Variants in UBE2H observed in about 807,000 individuals in gnomAD.
The protein encoded by UBE2H is ubiquitin conjugating enzyme E2 H.
A neutral mutation model predicts 29.0 loss-of-function variants in UBE2H; 3 were observed. The ratio of observed to expected loss-of-function variants is 0.10; its 90% CI spans 0.05 to 0.27. UBE2H has a LOEUF of 0.27. Ranked by LOEUF, UBE2H falls within the 10% of genes least tolerant of loss-of-function variation. The probability of loss-of-function intolerance (pLI) is 1.00; values close to 1 mark genes in which losing one functional copy is unlikely to be tolerated. For synonymous variants in UBE2H, 69 were observed against 82.9 expected (o/e 0.83, Z 0.91); for missense variants, 68 against 228.2 (o/e 0.30, Z 4.52).
chr7:129,852,043 C>T (rs1426107591), intron 5 of UBE2H, among the ~76,000 whole-genome samples: 3 of 152,138 alleles, frequency 2.0e-5, no homozygotes, highest in Admixed American at 6.5e-5. Context: ...GGCAGGATGA[C>T]GTTTGTGATT....
At chr7:129,854,071 T>TTTTTTTATTTTTTTTTTA (rs1563022999) in intron 5 of UBE2H, among the ~76,000 whole-genome samples, 2 of 149,912 alleles carry the variant, frequency 1.3e-5, no homozygotes, top group Non-Finnish European at 3.0e-5. Context: ...TTTTTTTTTT[T>TTTTTTTATTTTTTTTTTA]TTTTTTTTTT....
chr7:129,900,860 C>T (rs1806698777), intron 1 of UBE2H, among the ~76,000 whole-genome samples: 1 of 151,560 alleles, frequency 6.6e-6, no homozygotes, highest in Non-Finnish European at 1.5e-5. Context: ...ACACCATTCT[C>T]CTGCCTCAGC....
At chr7:129,859,671 A>C (rs1805765070) in intron 3 of UBE2H, among the ~76,000 whole-genome samples, 1 of 152,234 alleles carries the variant, frequency 6.6e-6, no homozygotes, top group African/African-American at 2.4e-5. Flanking sequence ...AGAAATTAAT[A>C]AAACCAGTTA....
Position 129,904,679 on chromosome 7 carries a change from C to T in UBE2H, c.54-23708G>A, listed in dbSNP as rs567236772. On this transcript the variant is annotated intron_variant, in intron 1 of 6. Transcript: ENST00000355621. ...CCTCGGCTACGTGTCAGTGGATGCT[C>T]AACAGAAACTGGTTAAATGAATAGT... 5.3e-5 allele frequency among the ~76,000 whole-genome samples: 8 copies of T among 152,310 alleles called. No homozygotes were observed. The South Asian group carries it at 1.7e-3, about 32-fold the overall frequency.
rs983395535 is a variant in UBE2H, at chr7:129,831,572, C to A, written c.*3365G>T. On this transcript the variant is annotated 3_prime_UTR_variant, in exon 7 of 7. Transcript: ENST00000355621. ...TCAGGAGCTTAGATCAGCCAGCTGGCAGTCAGAACAGCTTTTGAAGTGGAT... is the reference window on the plus strand; with the variant it reads ...TCAGGAGCTTAGATCAGCCAGCTGGAAGTCAGAACAGCTTTTGAAGTGGAT... 1.3e-5 allele frequency: 2 copies of A among 152,204 alleles called. No homozygotes were observed. Among genetic ancestry groups the A allele is most frequent in the Non-Finnish European group, 2.9e-5 (2 of 68,038 alleles). 9.4% of individuals were successfully genotyped at this position (152,204 alleles called of 1,614,324 possible).
At chr7:129,879,979 G>A (rs1008025363) in intron 2 of UBE2H, among the ~76,000 whole-genome samples, 4 of 151,618 alleles carry the variant, frequency 2.6e-5, no homozygotes, top group African/African-American at 9.7e-5. Flanking sequence ...AGGCCAAAAA[G>A]AAAACAACAA....
intron 1 of UBE2H, among the ~76,000 whole-genome samples, chr7:129,898,680 C>T (rs74894596): frequency 0.062 from 9,428 of 152,208 alleles, 363 homozygotes; most frequent in Non-Finnish European, 0.092. Flanking sequence ...AACTGATAGG[C>T]TCAGGTGCCA....
intron 1 of UBE2H, among the ~76,000 whole-genome samples, chr7:129,901,980 T>C (rs1042687039): frequency 1.3e-5 from 2 of 152,022 alleles, no homozygotes; most frequent in Non-Finnish European, 2.9e-5. Context: ...AGAAGAACAA[T>C]GTGGAGTATT....
intron 3 of UBE2H, among the ~76,000 whole-genome samples, chr7:129,873,254 C>T (rs542652827): frequency 2.6e-5 from 4 of 151,746 alleles, no homozygotes; most frequent in African/African-American, 4.8e-5. Flanking sequence ...CTCCTGACCT[C>T]GTGATCCACC....
At chr7:129,914,728 A>G (rs1202181087) in intron 1 of UBE2H, among the ~76,000 whole-genome samples, 1 of 152,192 alleles carries the variant, frequency 6.6e-6, no homozygotes. Context: ...TCTGCCAGAC[A>G]GTCCAGGGAA....
chr7:129,947,657 A>G (rs1333723046), intron 1 of UBE2H, among the ~76,000 whole-genome samples: 2 of 152,188 alleles, frequency 1.3e-5, no homozygotes, highest in East Asian at 1.9e-4. Flanking sequence ...TAACCTTTCT[A>G]TTCCTTGAAA....
chr7:129,929,427 C>T (rs988883898), intron 1 of UBE2H, among the ~76,000 whole-genome samples: 1 of 151,914 alleles, frequency 6.6e-6, no homozygotes. Flanking sequence ...AAAAGAGACA[C>T]TAGCACATTT....
intron 6 of UBE2H, among the ~76,000 whole-genome samples, chr7:129,835,364 T>C (rs1230224888): frequency 1.3e-5 from 2 of 152,174 alleles, no homozygotes; most frequent in Non-Finnish European, 1.5e-5. Flanking sequence ...ACCAGGGAAA[T>C]GGGAGCCCCA....
intron 1 of UBE2H, among the ~76,000 whole-genome samples, chr7:129,894,569 C>A (rs1409861554): frequency 6.7e-6 from 1 of 148,936 alleles, no homozygotes; most frequent in East Asian, 2.0e-4. Flanking sequence ...CCCACTGCAA[C>A]CTCCACCTCC....
chr7:129,836,273 C>T (rs1805323521), intron 6 of UBE2H, among the ~76,000 whole-genome samples: 1 of 151,986 alleles, frequency 6.6e-6, no homozygotes, highest in Non-Finnish European at 1.5e-5. Context: ...CTTTTTTTGA[C>T]ACTAGAATTT....
At chr7:129,903,060 C>A (rs117621307) in intron 1 of UBE2H, among the ~76,000 whole-genome samples, 5,810 of 152,274 alleles carry the variant, frequency 0.038, 154 homozygotes, top group South Asian at 0.13. Flanking sequence ...TCCCATTAAC[C>A]TCAATAATGC....
At chr7:129,918,327 T>C (rs1807085066) in intron 1 of UBE2H, among the ~76,000 whole-genome samples, 1 of 151,952 alleles carries the variant, frequency 6.6e-6, no homozygotes, top group African/African-American at 2.4e-5. Flanking sequence ...ACTGAAAGTA[T>C]CCTCATGAAA....
chr7:129,937,952 AAC>A (rs1402834370), intron 1 of UBE2H, among the ~76,000 whole-genome samples: 2 of 152,188 alleles, frequency 1.3e-5, no homozygotes, highest in African/African-American at 2.4e-5. Context: ...TGTGTTATCA[AAC>A]ACATATTGTG....
chr7:129,901,536 C>T (rs532551738), intron 1 of UBE2H, among the ~76,000 whole-genome samples: 153 of 152,246 alleles, frequency 1.0e-3, no homozygotes, highest in African/African-American at 3.6e-3. Context: ...TTTTGAAGAA[C>T]TGGATGACTA....
Sources: allele counts gnomAD v4.1 joint callset (sites outside exome capture counted in the v4.1 genomes callset), GRCh38; gene constraint gnomAD v4.1.1; transcripts MANE v1.5; gene names NCBI Gene and HGNC (gene_info 2026-07-23, HGNC 2026-07-21).